PIK3C2A: variants seen among roughly 807,000 people sequenced by gnomAD.
The protein encoded by PIK3C2A is phosphatidylinositol 4-phosphate 3-kinase C2 domain-containing subunit alpha.
PIK3C2A carries 97 observed loss-of-function variants against 204.5 expected under a neutral mutation model. The ratio of observed to expected loss-of-function variants is 0.47; its 90% CI spans 0.40 to 0.56. The LOEUF is 0.56. Among genes scored for constraint, PIK3C2A ranks in the 20% least tolerant of loss-of-function variants. The pLI is 0.00. For synonymous variants in PIK3C2A, 653 were observed against 664.4 expected (o/e 0.98, Z 0.26); for missense variants, 1,735 against 1,969.2 (o/e 0.88, Z 2.25).
intron 1 of PIK3C2A, among the ~76,000 whole-genome samples, 153 bp downstream of exon 1, chr11:17,207,695 C>G (rs1852637654): frequency 6.6e-6 from 1 of 152,082 alleles, no homozygotes; most frequent in Non-Finnish European, 1.5e-5. Context: ...CTGGGCAACG[C>G]CAAGAGCACG....
chr11:17,104,531 C>T (rs1416730864), intron 23 of PIK3C2A, among the ~76,000 whole-genome samples: 1 of 151,930 alleles, frequency 6.6e-6, no homozygotes, highest in Non-Finnish European at 1.5e-5. Flanking sequence ...CGAGACCATC[C>T]CGGCTAACAC....
chr11:17,096,483 T>C lies in PIK3C2A; in HGVS notation c.4326+574A>G, dbSNP rs148379831. ...TATATATTGGGGAGAGAATGGACTA[T>C]GCAATAAAATGGTGTTAGGATAACT... is the stretch of plus-strand genomic sequence containing the variant. On this transcript the variant is annotated intron_variant, in intron 27 of 32. Coordinates refer to ENST00000691414, the MANE Select transcript of PIK3C2A (RefSeq NM_002645.4). Among the ~76,000 whole-genome samples the C allele has an allele frequency of 2.5e-3, 376 of 152,294 alleles. 1 individual carries two copies. Among genetic ancestry groups the C allele is most frequent in the Non-Finnish European group, 3.8e-3 (258 of 68,034 alleles).
At chr11:17,157,234 C>T (rs781315680) in intron 2 of PIK3C2A, among the ~76,000 whole-genome samples, 2 of 151,946 alleles carry the variant, frequency 1.3e-5, no homozygotes, top group East Asian at 1.9e-4. Flanking sequence ...CCAAGGCAGG[C>T]GGATCACCTG....
At position 17,122,247 on chromosome 11, in the gene PIK3C2A, T is replaced by C; in HGVS notation, c.2598A>G (p.Thr866=). 6.5e-7 allele frequency: 1 copy of C among 1,531,432 alleles called. No individual in the cohort carries two copies. Among genetic ancestry groups the C allele is most frequent in the Non-Finnish European group, 9.0e-7 (1 of 1,106,684 alleles). 94.9% of individuals were successfully genotyped at this position (1,531,432 alleles called of 1,614,324 possible). ...RSIIQQHNLE[T]LENDIKGKLL... is the part of the protein sequence containing the mutation. Reference sequence around the variant, plus strand: ...GTTTCCCTTTTATATCATTCTCTAGTGTTTCTAAGTTATGTTGCTGTATAA... The same window carrying C: ...GTTTCCCTTTTATATCATTCTCTAGCGTTTCTAAGTTATGTTGCTGTATAA... Residue 866 remains threonine, a synonymous_variant, in exon 15 of 33, where the codon ACA becomes ACG. Coordinates refer to ENST00000691414, the MANE Select transcript of PIK3C2A (RefSeq NM_002645.4).
chr11:17,141,086 C>T (rs1850048527), intron 8 of PIK3C2A, among the ~76,000 whole-genome samples: 1 of 152,050 alleles, frequency 6.6e-6, no homozygotes, highest in African/African-American at 2.4e-5. Context: ...GTAGTGAGTC[C>T]ATACTGTGCG....
At chr11:17,180,548 G>A (rs1271555654) in intron 1 of PIK3C2A, among the ~76,000 whole-genome samples, 1 of 150,988 alleles carries the variant, frequency 6.6e-6, no homozygotes, top group African/African-American at 2.4e-5. Context: ...AAGGCTAGGC[G>A]CAGTGGCTCA....
intron 1 of PIK3C2A, among the ~76,000 whole-genome samples, chr11:17,181,050 G>A (rs589319): frequency 0.57 from 86,664 of 151,448 alleles, 25,230 homozygotes; most frequent in East Asian, 0.82. Context: ...ACAGCCAAAG[G>A]GAAGAGATGC....
chr11:17,152,058 T>C (rs1850440826), intron 3 of PIK3C2A, among the ~76,000 whole-genome samples: 1 of 152,170 alleles, frequency 6.6e-6, no homozygotes, highest in African/African-American at 2.4e-5. Flanking sequence ...CAAGAATTTA[T>C]TAGACAAAAA....
At chr11:17,162,245 AGAG>A (rs551832287) in intron 2 of PIK3C2A, among the ~76,000 whole-genome samples, 142 of 151,650 alleles carry the variant, frequency 9.4e-4, no homozygotes, top group African/African-American at 3.3e-3. Context: ...GGAGGCTGAG[AGAG>A]GAGAATTGCT....
At chr11:17,141,832 T>C (rs778441093) in intron 8 of PIK3C2A, among the ~76,000 whole-genome samples, 30 of 152,226 alleles carry the variant, frequency 2.0e-4, no homozygotes, top group Admixed American at 6.5e-4. Context: ...ATGATGAAAG[T>C]GCTCACATTC....
chr11:17,157,868 C>T (rs1253957490), intron 2 of PIK3C2A, among the ~76,000 whole-genome samples: 1 of 152,188 alleles, frequency 6.6e-6, no homozygotes, highest in Non-Finnish European at 1.5e-5. Flanking sequence ...AGCAAATCCT[C>T]TGGTTTCACA....
intron 3 of PIK3C2A, among the ~76,000 whole-genome samples, chr11:17,153,731 A>C (rs1021142107): frequency 1.3e-5 from 2 of 152,232 alleles, no homozygotes; most frequent in African/African-American, 4.8e-5. Context: ...TCATTCTGAC[A>C]GCCTGACACT....
Position 17,102,737 on chromosome 11 carries a change from C to T in PIK3C2A, c.3776G>A (p.Arg1259Gln), listed in dbSNP as rs766891920. 30 of 1,613,584 alleles carry T rather than the reference C, an allele frequency of 1.9e-5. No individual in the cohort carries two copies. The East Asian group carries it at 2.0e-4, about 11-fold the overall frequency. The stretch of plus-strand genomic sequence containing the variant: ...AATGTGAAACATGTGTCCCGTGCTT[C>T]GAAGCATTATATTGTCATTGTGTCG... ...CDRHNDNIML[R>Q]STGHMFHIDF... Residue 1259 changes from arginine to glutamine, a missense_variant, in exon 24 of 33, where the codon CGA becomes CAA. Around this residue, in one of 6 missense-constraint regions of PIK3C2A, gnomAD observed 503 missense variants for 669.0 expected, o/e 0.75. Transcript: ENST00000691414.
intron 2 of PIK3C2A, among the ~76,000 whole-genome samples, chr11:17,160,671 A>C (rs994663768): frequency 1.3e-5 from 2 of 152,102 alleles, no homozygotes; most frequent in African/African-American, 4.8e-5. Context: ...ACAATATACA[A>C]AACTTAGCTA....
In PIK3C2A at chr11:17,111,149, C is replaced by A. The variant is rs544081558; in HGVS notation, c.3415-588G>T. ...TCTCGAACTTCTGACCTCAGGTGAT[C>A]TGCCTGCCTCAGCCTCCCAAAGTGC... On this transcript the variant is annotated intron_variant, in intron 21 of 32. Coordinates refer to ENST00000691414, the MANE Select transcript of PIK3C2A (RefSeq NM_002645.4). Among the ~76,000 whole-genome samples the A allele has an allele frequency of 3.9e-5, 6 of 152,232 alleles. No homozygotes were observed. In the South Asian group the frequency reaches 1.2e-3, roughly 32 times the overall value.
At chr11:17,101,729 G>C (rs545555761) in intron 24 of PIK3C2A, among the ~76,000 whole-genome samples, 93 of 150,786 alleles carry the variant, frequency 6.2e-4, no homozygotes, top group African/African-American at 2.2e-3. Context: ...TCAGCCTCCC[G>C]AGTAGCCGGG....
At chr11:17,206,134 A>AC (rs1467841511) in intron 1 of PIK3C2A, among the ~76,000 whole-genome samples, 1 of 152,172 alleles carries the variant, frequency 6.6e-6, no homozygotes, top group Non-Finnish European at 1.5e-5. Flanking sequence ...AAATTGTAAA[A>AC]CCTGTGATGA....
At position 17,089,481 on chromosome 11, in the gene PIK3C2A, G is replaced by A. The variant is rs1014178694; in HGVS notation, c.*257C>T. ...TTTTTCAGGAATTAGTATATATTAA[G>A]TTTAGGGTTTGTAGCATTCTACATA... On this transcript the variant is annotated 3_prime_UTR_variant, in exon 33 of 33. Coordinates refer to ENST00000691414, the MANE Select transcript of PIK3C2A (RefSeq NM_002645.4). 8.1e-6 allele frequency: 3 copies of A among 368,874 alleles called. No individual in the cohort carries two copies. The highest frequency in any genetic ancestry group is 6.2e-5 in the African/African-American group (3 of 48,512). The allele number at this position is 368,874 out of a possible 1,614,324, so 22.9% of individuals were successfully genotyped here.
intron 3 of PIK3C2A, among the ~76,000 whole-genome samples, chr11:17,154,107 A>C (rs1850508682): frequency 1.3e-5 from 2 of 152,128 alleles, no homozygotes; most frequent in South Asian, 4.1e-4. Context: ...GTGTAAACAA[A>C]AACAATCATT....
Sources: gnomAD v4.1 joint callset for allele counts (sites outside exome capture counted in the v4.1 genomes callset) on GRCh38, gnomAD v4.1.1 for gene constraint, gnomAD v4.1.1 regional missense constraint, MANE v1.5 for transcripts, NCBI Gene and HGNC (gene_info 2026-07-23, HGNC 2026-07-21) for gene names.